Variants in STK39 observed in about 807,000 individuals in gnomAD.
STK39 encodes serine/threonine kinase 39.
STK39 carries 20 observed loss-of-function variants against 77.8 expected under a neutral mutation model. That is an observed-to-expected ratio of 0.26 (90% CI 0.18 to 0.37). STK39 has a LOEUF of 0.37. Among genes scored for constraint, STK39 ranks in the 10% least tolerant of loss-of-function variants. The probability of loss-of-function intolerance (pLI) is 1.00; values close to 1 mark genes in which losing one functional copy is unlikely to be tolerated. For synonymous variants in STK39, 246 were observed against 234.1 expected, an observed-to-expected ratio of 1.05 and a Z score of -0.47; for missense variants, 479 against 656.5, an observed-to-expected ratio of 0.73 and a Z score of 2.95.
intron 1 of STK39, among the ~76,000 whole-genome samples, chr2:168,227,947 G>A (rs111462574): frequency 2.0e-5 from 3 of 152,104 alleles, no homozygotes; most frequent in Admixed American, 1.3e-4. Context: ...GTGAGCCACC[G>A]CGCCTGGCCA....
intron 14 of STK39, among the ~76,000 whole-genome samples, chr2:168,022,260 A>G (rs1684589357): frequency 6.6e-6 from 1 of 152,224 alleles, no homozygotes; most frequent in Non-Finnish European, 1.5e-5. Context: ...AAGTATAAAA[A>G]TAAATGTCTA....
At chr2:168,016,387 CA>C (rs869084308) in intron 15 of STK39, among the ~76,000 whole-genome samples, 6,832 of 65,462 alleles carry the variant, frequency 0.1, 150 homozygotes, top group East Asian at 0.18. Flanking sequence ...GGCCTTTGTT[CA>C]AAAAAAAAAA....
intron 1 of STK39, among the ~76,000 whole-genome samples, chr2:168,228,496 A>G (rs1044644228): frequency 1.2e-4 from 18 of 152,166 alleles, no homozygotes; most frequent in African/African-American, 4.3e-4. Context: ...AATATTTGAG[A>G]AGTATAAAAT....
intron 1 of STK39, 43 bp downstream of exon 1, chr2:168,247,185 G>T: frequency 1.8e-6 from 2 of 1,130,308 alleles, no homozygotes; most frequent in South Asian, 3.2e-5. Flanking sequence ...GCCCGGCCTC[G>T]GCGCCCGGCC....
chr2:168,158,105 A>G lies in STK39; in HGVS notation c.628+3682T>C, dbSNP rs190914259. 2.4e-3 allele frequency among the ~76,000 whole-genome samples: 373 copies of G among 152,258 alleles called. 4 individuals carry two copies. Among genetic ancestry groups the G allele is most frequent in the African/African-American group, 8.7e-3 (361 of 41,550 alleles). On this transcript the variant is annotated intron_variant, in intron 5 of 17. Transcript: ENST00000355999. ...GACAGGGCATCAAATTGGAAGATAA[A>G]ATGCTATGCCGTGGGAAGAACATGA...
At chr2:168,019,717 G>C (rs943058026) in intron 14 of STK39, among the ~76,000 whole-genome samples, 4 of 152,146 alleles carry the variant, frequency 2.6e-5, no homozygotes, top group Middle Eastern at 6.8e-3. Flanking sequence ...ATTTTTTTGA[G>C]ATGGAGTCTT....
At chr2:168,099,068 T>C (rs932112935) in intron 10 of STK39, among the ~76,000 whole-genome samples, 23 of 152,206 alleles carry the variant, frequency 1.5e-4, no homozygotes, top group Admixed American at 7.9e-4. Context: ...AGCAAATGGC[T>C]ATCTACAATT....
At chr2:168,053,062 G>T (rs1378331299) in intron 14 of STK39, among the ~76,000 whole-genome samples, 2 of 152,230 alleles carry the variant, frequency 1.3e-5, no homozygotes, top group East Asian at 3.8e-4. Flanking sequence ...AAGTCTAAGA[G>T]CATTTCACTA....
chr2:168,050,105 T>A (rs1685355383), intron 14 of STK39, among the ~76,000 whole-genome samples: 1 of 152,172 alleles, frequency 6.6e-6, no homozygotes, highest in Admixed American at 6.5e-5. Flanking sequence ...TTCACACACA[T>A]CTGTATCTTC....
chr2:167,986,130 G>C (rs1683550933), intron 16 of STK39, among the ~76,000 whole-genome samples: 1 of 152,312 alleles, frequency 6.6e-6, no homozygotes, highest in South Asian at 2.1e-4. Context: ...AGTTGGGGTG[G>C]GGGAAGCAGA....
chr2:168,140,501 GT>G (rs1294247398), intron 6 of STK39, 111 bp from the exon 7 acceptor site: 20 of 1,189,206 alleles, frequency 1.7e-5, no homozygotes, highest in Non-Finnish European at 2.3e-5. Context: ...TTTCACGTTA[GT>G]TTGCTAATTA....
At position 168,169,553 on chromosome 2, in the gene STK39, C is replaced by T. The variant is rs73029278; in HGVS notation, c.322-2146G>A. The stretch of plus-strand genomic sequence containing the variant: ...AAGGTTGAGTCAGTCTAGAAAAACA[C>T]ACTTTTTAGCCCTTTGCATTTAGAT... On this transcript the variant is annotated intron_variant, in intron 2 of 17. Coordinates refer to ENST00000355999, the MANE Select transcript of STK39 (RefSeq NM_013233.3). 9.0e-3 allele frequency among the ~76,000 whole-genome samples: 1,371 copies of T among 152,144 alleles called. 16 individuals carry two copies. Among genetic ancestry groups the T allele is most frequent in the African/African-American group, 0.031 (1,293 of 41,500 alleles).
intron 16 of STK39, among the ~76,000 whole-genome samples, chr2:168,010,727 A>C (rs1684249630): frequency 1.3e-5 from 2 of 152,224 alleles, no homozygotes; most frequent in Non-Finnish European, 2.9e-5. Flanking sequence ...TTCTAATTAT[A>C]AAGGTATCTT....
intron 2 of STK39, among the ~76,000 whole-genome samples, chr2:168,180,012 C>CA (rs11295886): frequency 4.0e-5 from 6 of 151,616 alleles, no homozygotes; most frequent in African/African-American, 1.2e-4. Context: ...CTGCTAATGG[C>CA]AAAAAAAATG....
intron 16 of STK39, 58 bp from the exon 17 acceptor site, chr2:167,964,784 T>A: frequency 7.0e-7 from 1 of 1,433,362 alleles, no homozygotes. Flanking sequence ...ACAGTGGATT[T>A]TCACATCAAT....
chr2:168,205,031 A>G (rs1689705615), intron 1 of STK39, among the ~76,000 whole-genome samples: 1 of 152,234 alleles, frequency 6.6e-6, no homozygotes, highest in Non-Finnish European at 1.5e-5. Context: ...AACAAACAAG[A>G]TGGATCAATG....
At chr2:168,048,982 G>C (rs1285810361) in intron 14 of STK39, among the ~76,000 whole-genome samples, 1 of 152,190 alleles carries the variant, frequency 6.6e-6, no homozygotes, top group African/African-American at 2.4e-5. Flanking sequence ...TGCTATTGAC[G>C]AGATGGTTTT....
At chr2:167,957,625 C>A (rs1340791542) in intron 17 of STK39, among the ~76,000 whole-genome samples, 2 of 152,162 alleles carry the variant, frequency 1.3e-5, no homozygotes, top group Non-Finnish European at 2.9e-5. Context: ...CATCCAAAGA[C>A]AAACTATGGC....
At chr2:168,207,083 T>G (rs1689760994) in intron 1 of STK39, among the ~76,000 whole-genome samples, 1 of 152,186 alleles carries the variant, frequency 6.6e-6, no homozygotes, top group East Asian at 1.9e-4. Context: ...GTTGTGAACC[T>G]TGCAAGCAGC....
Sources: gnomAD v4.1 joint callset for allele counts (sites outside exome capture counted in the v4.1 genomes callset) on GRCh38, gnomAD v4.1.1 for gene constraint, MANE v1.5 for transcripts, NCBI Gene and HGNC (gene_info 2026-07-23, HGNC 2026-07-21) for gene names.